MEI4: variants seen among roughly 807,000 people sequenced by gnomAD.
MEI4 encodes the protein meiosis-specific protein MEI4.
MEI4 carries 27 observed loss-of-function variants against 31.4 expected under a neutral mutation model. That is an observed-to-expected ratio of 0.86 (90% CI 0.63 to 1.19). MEI4 has a LOEUF of 1.19. MEI4 is among the 50% of genes most tolerant of loss of function. MEI4 has a pLI of 0.00. For synonymous variants in MEI4, 122 were observed against 145.4 expected (o/e 0.84, Z 1.16); for missense variants, 329 against 398.9 (o/e 0.82, Z 1.49).
intron 2 of MEI4, among the ~76,000 whole-genome samples, chr6:77,746,679 ATATG>A (rs2127675646): frequency 6.7e-6 from 1 of 149,578 alleles, no homozygotes; most frequent in Non-Finnish European, 1.5e-5. Flanking sequence ...GTGTGTATGA[ATATG>A]TACATATATT....
chr6:77,737,876 A>T (rs1767293424), intron 2 of MEI4, among the ~76,000 whole-genome samples: 1 of 152,322 alleles, frequency 6.6e-6, no homozygotes, highest in East Asian at 1.9e-4. Context: ...TTGTACCAAG[A>T]GTAAGTGGAA....
intron 4 of MEI4, among the ~76,000 whole-genome samples, chr6:77,915,184 G>T (rs1417411229): frequency 6.6e-6 from 1 of 151,784 alleles, no homozygotes; most frequent in African/African-American, 2.4e-5. Flanking sequence ...TTCTGTATCG[G>T]TAACATTTAA....
intron 3 of MEI4, among the ~76,000 whole-genome samples, chr6:77,795,567 A>C (rs2127697820): frequency 6.7e-6 from 1 of 149,506 alleles, no homozygotes; most frequent in East Asian, 2.0e-4. Context: ...AAAAATATTC[A>C]AATAGTATTA....
intron 3 of MEI4, among the ~76,000 whole-genome samples, chr6:77,796,634 A>G (rs888524479): frequency 6.6e-6 from 1 of 152,204 alleles, no homozygotes; most frequent in African/African-American, 2.4e-5. Flanking sequence ...AAATAGGAAT[A>G]AGTTTAACCA....
Position 77,758,240 on chromosome 6 carries a change from A to G in MEI4, c.233-2890A>G, listed in dbSNP as rs547117893. ...ATCGATCATTTTTCTGGTTACCACT[A>G]CTTTTTGAACTTTCTGCATTATCAT... On this transcript the variant is annotated intron_variant, in intron 2 of 4. Coordinates refer to ENST00000684080, the MANE Select transcript of MEI4 (RefSeq NM_001322247.2). 1.4e-3 allele frequency among the ~76,000 whole-genome samples: 214 copies of G among 151,830 alleles called. 1 individual carries two copies. Among genetic ancestry groups the G allele is most frequent in the African/African-American group, 4.5e-3 (188 of 41,436 alleles).
intron 3 of MEI4, among the ~76,000 whole-genome samples, chr6:77,819,564 C>T (rs1170326367): frequency 6.6e-6 from 1 of 152,108 alleles, no homozygotes; most frequent in Non-Finnish European, 1.5e-5. Context: ...ATACCCTAAG[C>T]TCTTTCTTTT....
chr6:77,803,128 T>A lies in MEI4; in HGVS notation c.769-25803T>A, dbSNP rs374998415. Among the ~76,000 whole-genome samples, 12 of 152,356 alleles carry A rather than the reference T, an allele frequency of 7.9e-5. 1 individual carries two copies. The South Asian group carries it at 1.0e-3, about 13-fold the overall frequency. Reference sequence around the variant, plus strand: ...GTACACCAATCAGTTGTAGATTTGGTCTTTTCACATAGTCCCATATTTATT... The same window carrying A: ...GTACACCAATCAGTTGTAGATTTGGACTTTTCACATAGTCCCATATTTATT... On this transcript the variant is annotated intron_variant, in intron 3 of 4. Coordinates refer to ENST00000684080, the MANE Select transcript of MEI4 (RefSeq NM_001322247.2).
chr6:77,838,997 C>T (rs939049979), intron 4 of MEI4, among the ~76,000 whole-genome samples: 4 of 151,884 alleles, frequency 2.6e-5, no homozygotes, highest in East Asian at 1.9e-4. Context: ...AAAAAAACTG[C>T]GGAATACGTT....
At position 77,734,931 on chromosome 6, in the gene MEI4, ATTCTT is replaced by A. The variant is rs1337456144; in HGVS notation, c.233-26192_233-26188del. 1.3e-4 allele frequency among the ~76,000 whole-genome samples: 19 copies of A among 151,950 alleles called. No homozygotes were observed. The South Asian group carries it at 3.5e-3, about 28-fold the overall frequency. ...CTGGATATGAAATTCTGGGTTGAAA[ATTCTT>A]TTCTTTAAGAATGTTGAATATTGGC... On this transcript the variant is annotated intron_variant, in intron 2 of 4. Coordinates refer to ENST00000684080, the MANE Select transcript of MEI4 (RefSeq NM_001322247.2).
At chr6:77,696,606 G>A (rs1410039765) in intron 2 of MEI4, among the ~76,000 whole-genome samples, 1 of 151,252 alleles carries the variant, frequency 6.6e-6, no homozygotes, top group African/African-American at 2.4e-5. Context: ...TGCATCCCAG[G>A]GATGAAGCCC....
At position 77,796,406 on chromosome 6, in the gene MEI4, A is replaced by G. The variant is rs1769075695; in HGVS notation, c.769-32525A>G. On this transcript the variant is annotated intron_variant, in intron 3 of 4. Transcript: ENST00000684080. ...AAAAGAAATAAAAGATTCAAATTTG[A>G]AAGGAAGAAGTTACTTTATTTCTCT... is the stretch of plus-strand genomic sequence containing the variant. 2.6e-5 allele frequency among the ~76,000 whole-genome samples: 4 copies of G among 152,282 alleles called. No individual in the cohort carries two copies. The South Asian group carries it at 6.2e-4, about 24-fold the overall frequency.
At chr6:77,910,925 G>GTTTTTTTTTTTTTTTTTTTTTTTTTT (rs58959367) in intron 4 of MEI4, among the ~76,000 whole-genome samples, 1 of 120,580 alleles carries the variant, frequency 8.3e-6, no homozygotes. Context: ...CCAGCTTCTG[G>GTTTTTTTTTTTTTTTTTTTTTTTTTT]TTTTTTTTTT....
chr6:77,700,271 T>C (rs1281250429), intron 2 of MEI4, among the ~76,000 whole-genome samples: 2 of 152,182 alleles, frequency 1.3e-5, no homozygotes, highest in African/African-American at 4.8e-5. Flanking sequence ...CTGCTTTGTT[T>C]ACCTAATCAA....
At chr6:77,695,886 C>G (rs557612076) in intron 2 of MEI4, among the ~76,000 whole-genome samples, 1 of 152,268 alleles carries the variant, frequency 6.6e-6, no homozygotes, top group African/African-American at 2.4e-5. Context: ...TAGATTCTTC[C>G]TACCCATGAG....
intron 3 of MEI4, among the ~76,000 whole-genome samples, chr6:77,801,486 C>T (rs1449781308): frequency 1.3e-5 from 2 of 152,060 alleles, no homozygotes; most frequent in Non-Finnish European, 2.9e-5. Context: ...TCTCTATTTC[C>T]TTCAGTTCTG....
chr6:77,730,045 T>C (rs369368406), intron 2 of MEI4, among the ~76,000 whole-genome samples: 1 of 152,052 alleles, frequency 6.6e-6, no homozygotes, highest in African/African-American at 2.4e-5. Flanking sequence ...CTTCAGTGTC[T>C]TGGTGGCAAA....
chr6:77,912,908 A>C (rs1216975721), intron 4 of MEI4, among the ~76,000 whole-genome samples: 1 of 152,182 alleles, frequency 6.6e-6, no homozygotes, highest in Non-Finnish European at 1.5e-5. Flanking sequence ...AAAAGCTTTC[A>C]GAATTTCTCC....
chr6:77,884,731 A>G (rs1771579728), intron 4 of MEI4, among the ~76,000 whole-genome samples: 1 of 152,122 alleles, frequency 6.6e-6, no homozygotes, highest in African/African-American at 2.4e-5. Context: ...TTTTATACCA[A>G]TACCATTCTG....
intron 2 of MEI4, among the ~76,000 whole-genome samples, chr6:77,752,467 A>T (rs1767800944): frequency 6.6e-6 from 1 of 152,128 alleles, no homozygotes; most frequent in Non-Finnish European, 1.5e-5. Flanking sequence ...ATACACCAAG[A>T]ACAGACAGAG....
Sources: allele counts gnomAD v4.1 joint callset (sites outside exome capture counted in the v4.1 genomes callset), GRCh38; gene constraint gnomAD v4.1.1; transcripts MANE v1.5; gene names NCBI Gene and HGNC (gene_info 2026-07-23, HGNC 2026-07-21).